Variants in TMEFF2 observed in about 807,000 individuals in gnomAD.
TMEFF2 encodes the protein tomoregulin-2.
A neutral mutation model predicts 53.8 loss-of-function variants in TMEFF2; 28 were observed. The observed-to-expected ratio is 0.52, with a 90% confidence interval of 0.39 to 0.71. The LOEUF (loss-of-function observed/expected upper bound fraction) is 0.71. Among genes scored for constraint, TMEFF2 ranks in the 30% least tolerant of loss-of-function variants. The pLI is 0.00. For synonymous variants in TMEFF2, 162 were observed against 166.3 expected, an observed-to-expected ratio of 0.97 and a Z score of 0.20; for missense variants, 353 against 455.2, an observed-to-expected ratio of 0.78 and a Z score of 2.04.
Position 191,955,903 on chromosome 2 carries a change from G to A in TMEFF2, c.869+352C>T. On this transcript the variant is annotated intron_variant, in intron 8 of 9. Coordinates refer to ENST00000272771, the MANE Select transcript of TMEFF2 (RefSeq NM_016192.4). ...TACATAAGGCTTCATCCATTCATTT[G>A]TCTGATAAATACTTATTGAGCAACT... 2.6e-5 allele frequency among the ~76,000 whole-genome samples: 4 copies of A among 152,222 alleles called. No individual in the cohort carries two copies. The Middle Eastern group carries it at 0.01, about 391-fold the overall frequency.
intron 4 of TMEFF2, among the ~76,000 whole-genome samples, chr2:192,140,386 T>G (rs1002190529): frequency 2.6e-5 from 4 of 152,214 alleles, no homozygotes; most frequent in African/African-American, 9.6e-5. Flanking sequence ...GCTAACCACA[T>G]AATCTGGCTG....
intron 7 of TMEFF2, among the ~76,000 whole-genome samples, chr2:191,995,080 T>TGCATACTA (rs1686191781): frequency 6.6e-6 from 1 of 152,040 alleles, no homozygotes; most frequent in Admixed American, 6.6e-5. Flanking sequence ...CACACTCTAG[T>TGCATACTA]ATACTGCACA....
intron 4 of TMEFF2, among the ~76,000 whole-genome samples, chr2:192,117,245 T>C (rs1173285036): frequency 6.6e-6 from 1 of 152,168 alleles, no homozygotes; most frequent in Non-Finnish European, 1.5e-5. Flanking sequence ...TCAGAAACTA[T>C]ACGTGATACT....
chr2:192,129,708 T>A (rs964919566), intron 4 of TMEFF2, among the ~76,000 whole-genome samples: 2 of 152,202 alleles, frequency 1.3e-5, no homozygotes, highest in African/African-American at 2.4e-5. Flanking sequence ...AATGTGTACA[T>A]CTGTGGGAGC....
At chr2:192,188,611 A>G (rs549452811) in intron 2 of TMEFF2, among the ~76,000 whole-genome samples, 2 of 152,328 alleles carry the variant, frequency 1.3e-5, no homozygotes, top group African/African-American at 2.4e-5. Context: ...CTTTACTAAT[A>G]AGAACATTTG....
At chr2:192,130,442 C>T (rs1034541142) in intron 4 of TMEFF2, among the ~76,000 whole-genome samples, 1 of 152,180 alleles carries the variant, frequency 6.6e-6, no homozygotes, top group African/African-American at 2.4e-5. Flanking sequence ...TGCACATATA[C>T]ACCCAGATGG....
intron 7 of TMEFF2, among the ~76,000 whole-genome samples, chr2:191,959,427 G>A (rs1435585246): frequency 6.6e-6 from 1 of 152,218 alleles, no homozygotes; most frequent in African/African-American, 2.4e-5. Context: ...ATTGAAGTGG[G>A]CTGTTCTATA....
At chr2:191,970,411 A>C (rs1000299157) in intron 7 of TMEFF2, among the ~76,000 whole-genome samples, 1 of 151,950 alleles carries the variant, frequency 6.6e-6, no homozygotes, top group Non-Finnish European at 1.5e-5. Flanking sequence ...GTGGGTCCCA[A>C]ATCCATGACT....
chr2:192,121,476 C>T (rs753205185), intron 4 of TMEFF2, among the ~76,000 whole-genome samples: 10 of 152,050 alleles, frequency 6.6e-5, no homozygotes, highest in Non-Finnish European at 1.5e-4. Flanking sequence ...AAGGACCAGG[C>T]TATAGGGGCA....
intron 5 of TMEFF2, chr2:192,036,949 T>G (rs1687308238): frequency 6.6e-6 from 1 of 152,196 alleles, no homozygotes; most frequent in African/African-American, 2.4e-5. Flanking sequence ...TGAAAGGATG[T>G]CGTCTGCTTG....
At chr2:192,037,156 T>C (rs1159171488) in intron 5 of TMEFF2, 2 of 151,950 alleles carry the variant, frequency 1.3e-5, no homozygotes, top group African/African-American at 2.4e-5. Context: ...TTGGGGACCA[T>C]TACCAAGCCT....
intron 4 of TMEFF2, among the ~76,000 whole-genome samples, chr2:192,126,204 T>A (rs1469536347): frequency 1.3e-5 from 2 of 152,214 alleles, no homozygotes; most frequent in Non-Finnish European, 2.9e-5. Flanking sequence ...TGAAATATTT[T>A]AAAATCTTTG....
At chr2:192,111,148 A>G (rs1689266891) in intron 4 of TMEFF2, among the ~76,000 whole-genome samples, 1 of 152,194 alleles carries the variant, frequency 6.6e-6, no homozygotes, top group African/African-American at 2.4e-5. Flanking sequence ...TGCTGTAAAG[A>G]TACCCAAAAA....
chr2:191,988,206 CT>C (rs1686023908), intron 7 of TMEFF2, among the ~76,000 whole-genome samples: 1 of 152,140 alleles, frequency 6.6e-6, no homozygotes, highest in South Asian at 2.1e-4. Flanking sequence ...AATGTGGACA[CT>C]TTATTAAAAC....
chr2:192,040,435 G>A (rs1444493392), intron 5 of TMEFF2, among the ~76,000 whole-genome samples: 1 of 151,964 alleles, frequency 6.6e-6, no homozygotes, highest in Non-Finnish European at 1.5e-5. Context: ...CCTATTTTCT[G>A]TGCTTTCTAA....
chr2:192,028,653 T>A (rs190862702), intron 5 of TMEFF2: 26 of 152,220 alleles, frequency 1.7e-4, no homozygotes, highest in Admixed American at 7.2e-4. Context: ...TAGGCAGAGT[T>A]GGTAGAATGC....
chr2:192,169,782 G>A (rs1690863249), intron 4 of TMEFF2, among the ~76,000 whole-genome samples: 1 of 151,930 alleles, frequency 6.6e-6, no homozygotes. Flanking sequence ...TTGTAGAATT[G>A]GACCCACTTT....
intron 5 of TMEFF2, among the ~76,000 whole-genome samples, chr2:192,025,661 T>C (rs1686954986): frequency 6.6e-6 from 1 of 152,154 alleles, no homozygotes; most frequent in Non-Finnish European, 1.5e-5. Context: ...CTGGAAGCAA[T>C]ATGTTGATTT....
At chr2:192,191,416 C>T (rs1301486020) in intron 2 of TMEFF2, among the ~76,000 whole-genome samples, 2 of 152,004 alleles carry the variant, frequency 1.3e-5, no homozygotes, top group African/African-American at 2.4e-5. Flanking sequence ...GTTGAGGTTA[C>T]ACTAATAAGG....
Sources: gnomAD v4.1 joint callset for allele counts (sites outside exome capture counted in the v4.1 genomes callset) on GRCh38, gnomAD v4.1.1 for gene constraint, MANE v1.5 for transcripts, NCBI Gene and HGNC (gene_info 2026-07-23, HGNC 2026-07-21) for gene names.